Variants in LONRF1 observed in about 807,000 individuals in gnomAD.
LONRF1 encodes LON peptidase N-terminal domain and ring finger 1.
In LONRF1, 37 loss-of-function variants were observed where a neutral mutation model predicts 85.8. The ratio of observed to expected loss-of-function variants is 0.43; its 90% CI spans 0.33 to 0.57. The LOEUF (loss-of-function observed/expected upper bound fraction) is 0.57. Among genes scored for constraint, LONRF1 ranks in the 20% least tolerant of loss-of-function variants. LONRF1 has a pLI of 0.04. For synonymous variants in LONRF1, 517 were observed against 390.1 expected (o/e 1.33, Z -3.83); for missense variants, 1,036 against 978.0 (o/e 1.06, Z -0.79).
intron 3 of LONRF1, among the ~76,000 whole-genome samples, chr8:12,739,993 A>G (rs1349735519): frequency 6.6e-6 from 1 of 152,182 alleles, no homozygotes. Flanking sequence ...GTACAAAAAC[A>G]TCTCCTGGGA....
chr8:12,730,214 C>A (rs957092823), intron 8 of LONRF1, among the ~76,000 whole-genome samples: 58 of 152,112 alleles, frequency 3.8e-4, no homozygotes, highest in Admixed American at 3.7e-3. Flanking sequence ...TGTGTATGAA[C>A]TGAATTAGAA....
chr8:12,749,295 G>T (rs1393615875), intron 1 of LONRF1, among the ~76,000 whole-genome samples: 3 of 152,026 alleles, frequency 2.0e-5, no homozygotes, highest in Non-Finnish European at 2.9e-5. Flanking sequence ...GAGCAGACTG[G>T]ACAACAGACA....
chr8:12,755,449 C>A lies in LONRF1; in HGVS notation c.-29G>T. On this transcript the variant is annotated 5_prime_UTR_variant, in exon 1 of 12. Coordinates refer to ENST00000398246, the MANE Select transcript of LONRF1 (RefSeq NM_152271.5). ...CCGCGGAGGGCTGCGCCGCCGCCGC[C>A]CGCCGCCACGGTCCCGGAGCCTCCC... The A allele has an allele frequency of 9.0e-7, 1 of 1,105,046 alleles. No individual in the cohort carries two copies. The highest frequency in any genetic ancestry group is 1.1e-6 in the Non-Finnish European group (1 of 905,432). 68.5% of individuals were successfully genotyped at this position (1,105,046 alleles called of 1,614,324 possible). A position where few individuals can be genotyped will look rare whatever the true frequency, so the allele number is the denominator to read the frequency against.
At position 12,736,770 on chromosome 8, in the gene LONRF1, G is replaced by A; in HGVS notation, c.1382C>T (p.Ser461Phe). 6.2e-7 allele frequency: 1 copy of A among 1,610,492 alleles called. No individual in the cohort carries two copies. Among genetic ancestry groups the A allele is most frequent in the Non-Finnish European group, 8.5e-7 (1 of 1,178,630 alleles). The change falls in exon 6 of 12, where the codon TCC (serine) becomes TTC (phenylalanine). Residue 461 changes from serine (S) to phenylalanine (F), a missense_variant. Physicochemically the swap from Ser to Phe is radical, Grantham distance 155 (BLOSUM62 -2). Transcript: ENST00000398246. ...GETPNEVCMF[S>F]LAYGDIPEEL... Reference sequence around the variant, plus strand: ...TTCTGGAATATCACCATAAGCTAAGGAAAACATACAGACTTCATTGGGAGT... The same window carrying A: ...TTCTGGAATATCACCATAAGCTAAGAAAAACATACAGACTTCATTGGGAGT...
At chr8:12,746,540 C>T (rs928909548) in intron 1 of LONRF1, among the ~76,000 whole-genome samples, 3 of 152,222 alleles carry the variant, frequency 2.0e-5, no homozygotes, top group African/African-American at 7.2e-5. Flanking sequence ...CCACTAAGAG[C>T]ATGATCTGGC....
At position 12,738,059 on chromosome 8, in the gene LONRF1, C is replaced by A; in HGVS notation, c.1049G>T (p.Arg350Ile). 6.2e-7 allele frequency: 1 copy of A among 1,610,448 alleles called. No homozygotes were observed. Among genetic ancestry groups the A allele is most frequent in the Non-Finnish European group, 8.5e-7 (1 of 1,178,494 alleles). ...SWSSLPCTKNRPFDFHSVMEE... is the reference protein window; with the variant it reads ...SWSSLPCTKNIPFDFHSVMEE... ...CATCACTGAATGAAAATCAAAAGGT[C>A]TGTTTTTAGTACATGGTAATGAACT... The change falls in exon 4 of 12, where the codon AGA becomes ATA. Residue 350 changes from arginine (R) to isoleucine (I), a missense_variant. Around this residue, in one of 3 missense-constraint regions of LONRF1, gnomAD observed 742 missense variants for 614.4 expected, o/e 1.21. Transcript: ENST00000398246.
chr8:12,751,294 A>ATTTTTTTTTGTTTGT (rs1554469328), intron 1 of LONRF1, among the ~76,000 whole-genome samples: 1 of 84,810 alleles, frequency 1.2e-5, no homozygotes, highest in African/African-American at 4.2e-5. Flanking sequence ...TTTTATTTTT[A>ATTTTTTTTTGTTTGT]TGTTTTTTTT....
chr8:12,750,970 G>C (rs1013185927), intron 1 of LONRF1, among the ~76,000 whole-genome samples: 2 of 152,120 alleles, frequency 1.3e-5, no homozygotes, highest in African/African-American at 4.8e-5. Flanking sequence ...AGCATGTTTT[G>C]ACTCATTTGA....
At chr8:12,741,860 A>G (rs1429203493) in intron 2 of LONRF1, among the ~76,000 whole-genome samples, 1 of 152,202 alleles carries the variant, frequency 6.6e-6, no homozygotes, top group Admixed American at 6.5e-5. Flanking sequence ...AGCAAACTCT[A>G]TGACAAAAAT....
intron 1 of LONRF1, chr8:12,754,330 A>C (rs1452309324): frequency 5.9e-6 from 1 of 168,572 alleles, no homozygotes; most frequent in Non-Finnish European, 1.3e-5. Context: ...CGCGGCAGGA[A>C]GCGAGCGGCC....
chr8:12,751,308 T>TGTTTG (rs1563160706), intron 1 of LONRF1, among the ~76,000 whole-genome samples: 1 of 134,636 alleles, frequency 7.4e-6, no homozygotes, highest in South Asian at 2.5e-4. Context: ...TTTTTTTTTT[T>TGTTTG]TTTTTTTTTT....
At chr8:12,727,487 A>G (rs138480572) in intron 10 of LONRF1, among the ~76,000 whole-genome samples, 1 of 149,840 alleles carries the variant, frequency 6.7e-6, no homozygotes, top group Non-Finnish European at 1.5e-5. Flanking sequence ...ACATGATGAG[A>G]AAAGATTACT....
At chr8:12,745,374 C>A (rs1477633230) in intron 1 of LONRF1, among the ~76,000 whole-genome samples, 1 of 135,640 alleles carries the variant, frequency 7.4e-6, no homozygotes, top group Non-Finnish European at 1.6e-5. Context: ...TTCAAACTTC[C>A]AATACTTTTA....
chr8:12,754,929 G>C lies in LONRF1; in HGVS notation c.492C>G (p.Pro164=). 4 of 1,490,002 alleles carry C rather than the reference G, an allele frequency of 2.7e-6. No individual in the cohort carries two copies. The highest frequency in any genetic ancestry group is 1.3e-5 in the South Asian group (1 of 79,178). 92.3% of individuals were successfully genotyped at this position (1,490,002 alleles called of 1,614,324 possible). ...CAGCATCAGTGGCACTGGCGGTGGCGGGCGGCAGCCGGTCCCGGCAGAGGC... is the reference window on the plus strand; with the variant it reads ...CAGCATCAGTGGCACTGGCGGTGGCCGGCGGCAGCCGGTCCCGGCAGAGGC... ...RCRLCRDRLP[P]ATASATDAEG... Residue 164 remains proline (P), a synonymous_variant, in exon 1 of 12, where the codon CCC becomes CCG. Coordinates refer to ENST00000398246, the MANE Select transcript of LONRF1 (RefSeq NM_152271.5).
intron 8 of LONRF1, among the ~76,000 whole-genome samples, chr8:12,730,273 A>G (rs892493043): frequency 6.6e-6 from 1 of 152,236 alleles, no homozygotes; most frequent in Non-Finnish European, 1.5e-5. Flanking sequence ...CTGATCATGA[A>G]TAACATGATC....
Position 12,736,718 on chromosome 8 carries a change from C to T in LONRF1, c.1434G>A (p.Glu478=), listed in dbSNP as rs747257368. 5.0e-6 allele frequency: 8 copies of T among 1,609,936 alleles called. No homozygotes were observed. Among genetic ancestry groups the T allele is most frequent in the South Asian group, 4.4e-5 (4 of 90,376 alleles). Residue 478 remains glutamate (E), a synonymous_variant, in exon 6 of 12, where the codon GAG becomes GAA. Coordinates refer to ENST00000398246, the MANE Select transcript of LONRF1 (RefSeq NM_152271.5). Reference sequence around the variant, plus strand: ...ATGCTTACCTCATGCAGAGAGAACACTCGAAATCTGAGACATCGATTAATT... The same window carrying T: ...ATGCTTACCTCATGCAGAGAGAACATTCGAAATCTGAGACATCGATTAATT... ...PEELIDVSDF[E]CSLCMRLFFE...
At chr8:12,726,126 C>A in intron 10 of LONRF1, 1 of 360,666 alleles carries the variant, frequency 2.8e-6, no homozygotes, top group Non-Finnish European at 5.1e-6. Context: ...TGCAATATTG[C>A]AGAACCCTAC....
At position 12,755,492 on chromosome 8, in the gene LONRF1, C is replaced by G. The variant is rs993238906; in HGVS notation, c.-72G>C. ...AGCCTCCCGGGCGCGCGGCTCCGCA[C>G]GCGGCCCGCGAGCAGGGGGGCGTGG... On this transcript the variant is annotated 5_prime_UTR_variant, in exon 1 of 12. Coordinates refer to ENST00000398246, the MANE Select transcript of LONRF1 (RefSeq NM_152271.5). 3.9e-4 allele frequency: 324 copies of G among 832,798 alleles called. No individual in the cohort carries two copies. Among genetic ancestry groups the G allele is most frequent in the Non-Finnish European group, 4.6e-4 (317 of 683,220 alleles). The allele number at this position is 832,798 out of a possible 1,614,324, so 51.6% of individuals were successfully genotyped here.
intron 7 of LONRF1, among the ~76,000 whole-genome samples, chr8:12,734,946 T>C (rs949882371): frequency 5.9e-5 from 9 of 152,134 alleles, no homozygotes; most frequent in Non-Finnish European, 8.8e-5. Flanking sequence ...TGGCTTATTA[T>C]TGAGGGTTGG....
Sources: allele counts gnomAD v4.1 joint callset (sites outside exome capture counted in the v4.1 genomes callset), GRCh38; gene constraint gnomAD v4.1.1; regional missense constraint gnomAD v4.1.1; transcripts MANE v1.5; gene names NCBI Gene and HGNC (gene_info 2026-07-23, HGNC 2026-07-21).